NLK: variants seen among roughly 807,000 people sequenced by gnomAD.
NLK encodes serine/threonine-protein kinase NLK.
In NLK, 11 loss-of-function variants were observed where a neutral mutation model predicts 59.0. That is an observed-to-expected ratio of 0.19 (90% CI 0.12 to 0.31). The LOEUF is 0.31. Ranked by LOEUF, NLK falls within the 10% of genes least tolerant of loss-of-function variation. The probability of loss-of-function intolerance (pLI) is 1.00; values close to 1 mark genes in which losing one functional copy is unlikely to be tolerated. For missense variants in NLK, 410 were observed against 661.1 expected (o/e 0.62, Z 4.16); for synonymous variants, 235 against 235.9 (o/e 1.00, Z 0.03).
intron 1 of NLK, among the ~76,000 whole-genome samples, chr17:28,056,767 G>C (rs1257396237): frequency 1.3e-5 from 2 of 151,948 alleles, no homozygotes; most frequent in African/African-American, 4.8e-5. Context: ...AAATTTGAAA[G>C]AATTGTATGA....
intron 7 of NLK, among the ~76,000 whole-genome samples, chr17:28,183,104 T>C (rs758403859): frequency 6.6e-6 from 1 of 152,184 alleles, no homozygotes; most frequent in Non-Finnish European, 1.5e-5. Context: ...GCCTTTGGTC[T>C]CGACTACTCG....
chr17:28,044,336 A>C (rs144132398), intron 1 of NLK, among the ~76,000 whole-genome samples: 132 of 152,322 alleles, frequency 8.7e-4, no homozygotes, highest in African/African-American at 3.0e-3. Flanking sequence ...CCATTACCAC[A>C]GGAAAATGAA....
chr17:28,168,752 G>T, intron 6 of NLK, 95 bp downstream of exon 6: 1 of 925,280 alleles, frequency 1.1e-6, no homozygotes, highest in Non-Finnish European at 1.7e-6. Flanking sequence ...TCATTATACT[G>T]TCTAATTTGC....
At chr17:28,151,491 T>C (rs1907477707) in intron 3 of NLK, among the ~76,000 whole-genome samples, 1 of 152,220 alleles carries the variant, frequency 6.6e-6, no homozygotes, top group Non-Finnish European at 1.5e-5. Context: ...AACTAAAGGT[T>C]GACAAAACGT....
intron 1 of NLK, among the ~76,000 whole-genome samples, chr17:28,111,873 TGTGTGTGTGTGTGTGTGTGTGTG>T (rs1372786320): frequency 4.8e-5 from 6 of 124,300 alleles, no homozygotes; most frequent in East Asian, 4.9e-4. Flanking sequence ...TGTGTGTGTG[TGTGTGTGTGTGTGTGTGTGTGTG>T]GTGTGTGTGT....
intron 8 of NLK, among the ~76,000 whole-genome samples, chr17:28,186,044 G>C (rs1439858506): frequency 6.6e-6 from 1 of 151,934 alleles, no homozygotes; most frequent in African/African-American, 2.4e-5. Flanking sequence ...TCACATCTAT[G>C]CCAATAACTA....
rs777733277 is a variant in NLK, at chr17:28,122,658, G to A, written c.514G>A (p.Val172Ile). 11 of 1,613,612 alleles carry A rather than the reference G, an allele frequency of 6.8e-6. No individual in the cohort carries two copies. Among genetic ancestry groups the A allele is most frequent in the Admixed American group, 1.7e-5 (1 of 59,982 alleles). The change falls in exon 2 of 11, where the codon GTC (valine) becomes ATC (isoleucine). Residue 172 changes from valine (V) to isoleucine (I), a missense_variant. Val to Ile is a conservative substitution (Grantham distance 29). Transcript: ENST00000407008. The part of the protein sequence containing the change: ...KRVALKKMPN[V>I]FQNLVSCKRV... ...AGTAGCGCTCAAAAAGATGCCCAACGTCTTCCAGAATCTGGTCTCTTGCAA... is the reference window on the plus strand; with the variant it reads ...AGTAGCGCTCAAAAAGATGCCCAACATCTTCCAGAATCTGGTCTCTTGCAA...
intron 7 of NLK, among the ~76,000 whole-genome samples, chr17:28,182,348 T>C (rs1313063467): frequency 6.6e-6 from 1 of 152,160 alleles, no homozygotes; most frequent in Non-Finnish European, 1.5e-5. Context: ...TTCTTGATGT[T>C]AATAGTTGTC....
intron 1 of NLK, among the ~76,000 whole-genome samples, chr17:28,093,799 A>G (rs1389141527): frequency 2.0e-5 from 3 of 152,176 alleles, no homozygotes; most frequent in Non-Finnish European, 4.4e-5. Flanking sequence ...TTGCACACCA[A>G]AGACTCACCA....
At chr17:28,111,843 A>C (rs979092476) in intron 1 of NLK, among the ~76,000 whole-genome samples, 5 of 126,840 alleles carry the variant, frequency 3.9e-5, no homozygotes, top group Admixed American at 9.3e-5. Flanking sequence ...AGGCATTTTG[A>C]GCTAATAAGG....
intron 1 of NLK, among the ~76,000 whole-genome samples, chr17:28,056,947 C>CTTTTTTTTTTTTTTT (rs934652705): frequency 2.3e-5 from 2 of 86,906 alleles, no homozygotes; most frequent in Admixed American, 1.4e-4. Context: ...CATTACCTAC[C>CTTTTTTTTTTTTTTT]TTTTTTTTTT....
chr17:28,151,193 A>G (rs1384444291), intron 3 of NLK, among the ~76,000 whole-genome samples: 1 of 152,192 alleles, frequency 6.6e-6, no homozygotes, highest in Non-Finnish European at 1.5e-5. Flanking sequence ...CATTTAATTT[A>G]AGCTGCTTTA....
chr17:28,051,484 G>T lies in NLK; in HGVS notation c.458+8153G>T, dbSNP rs982659304. ...AGGGATTCTCCTGCCTCAGCCTCCC[G>T]AGTAGCTGGGATTACAGGCACGTGG... On this transcript the variant is annotated intron_variant, in intron 1 of 10. Coordinates refer to ENST00000407008, the MANE Select transcript of NLK (RefSeq NM_016231.5). Among the ~76,000 whole-genome samples the T allele has an allele frequency of 3.3e-5, 5 of 151,546 alleles. No individual in the cohort carries two copies. The Middle Eastern group carries it at 0.01, about 309-fold the overall frequency.
At chr17:28,150,163 G>A (rs1907422887) in intron 3 of NLK, among the ~76,000 whole-genome samples, 1 of 152,176 alleles carries the variant, frequency 6.6e-6, no homozygotes, top group Non-Finnish European at 1.5e-5. Flanking sequence ...AAATACAGCA[G>A]CTATAAAGTA....
At chr17:28,127,563 T>C (rs1906342208) in intron 2 of NLK, among the ~76,000 whole-genome samples, 3 of 152,222 alleles carry the variant, frequency 2.0e-5, no homozygotes, top group Admixed American at 2.0e-4. Flanking sequence ...CTAAAGTTTA[T>C]AGTTCTAGGC....
intron 1 of NLK, among the ~76,000 whole-genome samples, chr17:28,061,233 T>C (rs780657677): frequency 5.9e-5 from 9 of 152,240 alleles, no homozygotes; most frequent in Admixed American, 1.3e-4. Context: ...TTCAGTGTTT[T>C]ACCATTCTGT....
At position 28,148,453 on chromosome 17, in the gene NLK, T is replaced by G. The variant is rs933030808; in HGVS notation, c.645-12707T>G. On this transcript the variant is annotated intron_variant, in intron 3 of 10. Transcript: ENST00000407008. ...GTCAAGATTATTTTTATAATTTGAC[T>G]AAAGAAGGGTAAGAGGTAAAATACT... Among the ~76,000 whole-genome samples, 4 of 152,296 alleles carry G rather than the reference T, an allele frequency of 2.6e-5. No homozygotes were observed. In the South Asian group the frequency reaches 8.3e-4, roughly 32 times the overall value.
At chr17:28,075,846 A>G (rs1910147202) in intron 1 of NLK, among the ~76,000 whole-genome samples, 1 of 151,516 alleles carries the variant, frequency 6.6e-6, no homozygotes, top group Non-Finnish European at 1.5e-5. Context: ...TTAATCTTAC[A>G]CTGTATGCTT....
At chr17:28,088,606 A>G (rs1488459002) in intron 1 of NLK, among the ~76,000 whole-genome samples, 1 of 152,234 alleles carries the variant, frequency 6.6e-6, no homozygotes, top group Non-Finnish European at 1.5e-5. Flanking sequence ...TTAGTTTCAA[A>G]TAGAAAAATA....
Sources: allele counts gnomAD v4.1 joint callset (sites outside exome capture counted in the v4.1 genomes callset), GRCh38; gene constraint gnomAD v4.1.1; transcripts MANE v1.5; gene names NCBI Gene and HGNC (gene_info 2026-07-23, HGNC 2026-07-21).